Variants in KLHL5 observed in about 807,000 individuals in gnomAD.
The protein encoded by KLHL5 is kelch like family member 5.
Under a neutral mutation model 77.7 loss-of-function variants are expected in KLHL5, and 48 were observed. That is an observed-to-expected ratio of 0.62 (90% CI 0.49 to 0.79). KLHL5 has a LOEUF of 0.79. Among genes scored for constraint, KLHL5 ranks in the 30% least tolerant of loss-of-function variants. KLHL5 has a pLI of 0.00. For synonymous variants in KLHL5, 260 were observed against 297.0 expected, an observed-to-expected ratio of 0.88 and a Z score of 1.28; for missense variants, 723 against 859.7, an observed-to-expected ratio of 0.84 and a Z score of 1.99.
At chr4:39,115,054 T>G (rs1446296251) in intron 9 of KLHL5, 105 bp from the exon 10 acceptor site, 1 of 972,744 alleles carries the variant, frequency 1.0e-6, no homozygotes, top group African/African-American at 1.7e-5. Context: ...ATGTATTTGA[T>G]TACATAGTAG....
intron 2 of KLHL5, among the ~76,000 whole-genome samples, chr4:39,077,883 A>G (rs2109360625): frequency 6.6e-6 from 1 of 152,308 alleles, no homozygotes; most frequent in South Asian, 2.1e-4. Flanking sequence ...CCAAATGCCC[A>G]TCAATCAACA....
the KLHL5 span, among the ~76,000 whole-genome samples, chr4:39,139,282 C>CAA: frequency 1.0e-4 from 6 of 57,404 alleles, no homozygotes; most frequent in Admixed American, 2.0e-4. Flanking sequence ...AACTCCATCT[C>CAA]AAAAAAAAAA....
downstream of KLHL5, chr4:39,126,627 C>T: frequency 2.4e-6 from 1 of 417,746 alleles, no homozygotes; most frequent in East Asian, 7.1e-5. Flanking sequence ...GGATCTTTGC[C>T]CAGGTTCAAG....
chr4:39,110,747 T>G (rs1199784314), intron 8 of KLHL5, among the ~76,000 whole-genome samples: 4 of 152,184 alleles, frequency 2.6e-5, no homozygotes, highest in Non-Finnish European at 1.5e-5. Context: ...GGATTACAGG[T>G]GTGAGCCACC....
intron 7 of KLHL5, among the ~76,000 whole-genome samples, chr4:39,104,142 G>A (rs1011317259): frequency 6.6e-6 from 1 of 152,068 alleles, no homozygotes; most frequent in Non-Finnish European, 1.5e-5. Flanking sequence ...AAATGGGAAT[G>A]GTGGTGGGTA....
At chr4:39,063,900 C>T (rs572517851) in intron 1 of KLHL5, 2 of 152,888 alleles carry the variant, frequency 1.3e-5, no homozygotes, top group Admixed American at 1.3e-4. Flanking sequence ...GATTATATAA[C>T]AACTTAGAGC....
intron 1 of KLHL5, among the ~76,000 whole-genome samples, chr4:39,067,646 A>G (rs961894763): frequency 1.3e-5 from 2 of 150,478 alleles, no homozygotes; most frequent in Admixed American, 6.7e-5. Context: ...CTACATTACA[A>G]GTATAATCTC....
intron 5 of KLHL5, chr4:39,093,119 T>C (rs1332474064): frequency 1.1e-5 from 5 of 455,744 alleles, no homozygotes; most frequent in Admixed American, 9.4e-5. Context: ...CATCAACTGG[T>C]GAATGGATAG....
At chr4:39,079,466 C>A (rs1477767448) in intron 2 of KLHL5, among the ~76,000 whole-genome samples, 2 of 152,208 alleles carry the variant, frequency 1.3e-5, no homozygotes, top group African/African-American at 4.8e-5. Flanking sequence ...ATGTGCCAGG[C>A]ATGCTGCTCC....
chr4:39,095,671 A>T (rs1164590032), intron 5 of KLHL5, among the ~76,000 whole-genome samples: 2 of 151,874 alleles, frequency 1.3e-5, no homozygotes, highest in Non-Finnish European at 2.9e-5. Context: ...GATGTCTGTA[A>T]TAAGGAAATG....
chr4:39,082,373 A>C (rs1719694801), intron 4 of KLHL5, among the ~76,000 whole-genome samples: 1 of 152,190 alleles, frequency 6.6e-6, no homozygotes, highest in Non-Finnish European at 1.5e-5. Flanking sequence ...AAGTTACTGC[A>C]GTCACTGGGA....
rs1415421951 is a variant in KLHL5, at chr4:39,076,140, G to C, written c.559G>C (p.Ala187Pro). ...ILVAGDRRIP[A>P]HRLVLSSVSD... ...AGTCGCTGGTGATCGCAGAATTCCA[G>C]CTCACAGGTAGTTGTTTTCTATATT... Residue 187 changes from alanine to proline, a missense_variant, in exon 2 of 11, where the codon GCT becomes CCT. Ala to Pro is a conservative substitution (Grantham distance 27). Coordinates refer to ENST00000504108, the MANE Select transcript of KLHL5 (RefSeq NM_015990.5). 1 of 1,602,440 alleles carries C rather than the reference G, an allele frequency of 6.2e-7. No homozygotes were observed. The highest frequency in any genetic ancestry group is 1.4e-5 in the African/African-American group (1 of 73,952).
chr4:39,093,387 G>A (rs1720767048), intron 5 of KLHL5: 2 of 455,732 alleles, frequency 4.4e-6, no homozygotes, highest in African/African-American at 4.0e-5. Flanking sequence ...TCTAATTGAG[G>A]TGATGAAAAT....
At position 39,092,328 on chromosome 4, in the gene KLHL5, CAAAT is replaced by C. The variant is rs543237431; in HGVS notation, c.1114-4360_1114-4357del. On this transcript the variant is annotated intron_variant, in intron 5 of 10. Transcript: ENST00000504108. ...ACTTAGATTAATGGCTTTTCTTACT[CAAAT>C]AAAATTAATCCTACTTATTCATAAT... 1.8e-3 allele frequency among the ~76,000 whole-genome samples: 277 copies of C among 152,184 alleles called. 1 individual carries two copies. The highest frequency in any genetic ancestry group is 2.7e-3 in the Non-Finnish European group (185 of 67,996).
At chr4:39,093,647 T>G (rs1473667633) in intron 5 of KLHL5, among the ~76,000 whole-genome samples, 2 of 152,222 alleles carry the variant, frequency 1.3e-5, no homozygotes, top group Non-Finnish European at 2.9e-5. Flanking sequence ...GGCTCATGCC[T>G]GTGATCCCAG....
At chr4:39,069,433 TA>T (rs2109317943) in intron 1 of KLHL5, among the ~76,000 whole-genome samples, 4 of 19,664 alleles carry the variant, frequency 2.0e-4, no homozygotes, top group Non-Finnish European at 3.5e-4. Context: ...TAACATTTTA[TA>T]TATATATATA....
intron 1 of KLHL5, among the ~76,000 whole-genome samples, chr4:39,052,473 C>T (rs1014759911): frequency 1.3e-5 from 2 of 151,936 alleles, no homozygotes; most frequent in Admixed American, 1.3e-4. Flanking sequence ...GGAAGGTGAG[C>T]CTGGAAAGGC....
intron 1 of KLHL5, among the ~76,000 whole-genome samples, chr4:39,064,763 A>T (rs2109301066): frequency 6.6e-6 from 1 of 152,296 alleles, no homozygotes; most frequent in East Asian, 1.9e-4. Context: ...TATGAAATAA[A>T]AAGATTATCC....
chr4:39,126,935 G>T, downstream of KLHL5: 1 of 359,372 alleles, frequency 2.8e-6, no homozygotes, highest in Non-Finnish European at 5.5e-6. Flanking sequence ...CTGACGTCAA[G>T]GCACCAAAAT....
Sources: allele counts gnomAD v4.1 joint callset (sites outside exome capture counted in the v4.1 genomes callset), GRCh38; gene constraint gnomAD v4.1.1; transcripts MANE v1.5; gene names NCBI Gene and HGNC (gene_info 2026-07-23, HGNC 2026-07-21).